Variants in NLRP7 observed in about 807,000 individuals in gnomAD.
The protein encoded by NLRP7 is NLR family pyrin domain containing 7, also known as NACHT, LRR and PYD domains-containing protein 7.
In NLRP7, 72 loss-of-function variants were observed where a neutral mutation model predicts 85.5. That is an observed-to-expected ratio of 0.84 (90% CI 0.70 to 1.02). The LOEUF (loss-of-function observed/expected upper bound fraction) is 1.02. Ranked by LOEUF, NLRP7 falls within the 50% of genes least tolerant of loss-of-function variation. The pLI is 0.00. For synonymous variants in NLRP7, 550 were observed against 505.2 expected, an observed-to-expected ratio of 1.09 and a Z score of -1.19; for missense variants, 1,243 against 1,219.5, an observed-to-expected ratio of 1.02 and a Z score of -0.29.
intron 9 of NLRP7, among the ~76,000 whole-genome samples, chr19:54,925,230 G>A (rs904136201): frequency 2.0e-5 from 3 of 152,086 alleles, no homozygotes; most frequent in African/African-American, 7.2e-5. Flanking sequence ...AGACCACAGG[G>A]GGCTAGAGAT....
In NLRP7 at chr19:54,943,667, C is replaced by T. The variant is rs897596617; in HGVS notation, c.-39-1917G>A. ...AACAGAAAAAGTGACTTGCCAAGCC[C>T]GGGTGCTGATAGAGGTGGACAGCTT... On this transcript the variant is annotated intron_variant, in intron 1 of 9. Transcript: ENST00000340844. Among the ~76,000 whole-genome samples the T allele has an allele frequency of 3.9e-5, 6 of 152,104 alleles. No homozygotes were observed. In the South Asian group the frequency reaches 8.3e-4, roughly 21 times the overall value.
chr19:54,940,985 T>C lies in NLRP7; in HGVS notation c.298A>G (p.Ile100Val), dbSNP rs150677758. 2.1e-4 allele frequency: 336 copies of C among 1,612,292 alleles called. 3 individuals carry two copies. In the African/African-American group the frequency reaches 2.5e-3, roughly 12 times the overall value. The change falls in exon 3 of 10, where the codon ATA becomes GTA. Residue 100 changes from isoleucine to valine, a missense_variant. Around this residue, in one of 3 missense-constraint regions of NLRP7, gnomAD observed 591 missense variants for 563.3 expected, o/e 1.05. Coordinates refer to ENST00000340844, the Ensembl canonical transcript of NLRP7. ...GCATCTCCCAGCTCAGGATTATCTA[T>C]TTCTTGCACCTGTCCGTCCTCTGTA...
intron 1 of NLRP7, chr19:54,965,927 TAA>T (rs1423547131): frequency 5.0e-3 from 343 of 69,142 alleles, no homozygotes; most frequent in African/African-American, 0.017. Flanking sequence ...AATAAAATAA[TAA>T]TAATACTGTG....
At chr19:54,939,075 C>T (rs2069077667) in exon 4 of NLRP7, 2 of 1,614,102 alleles carry the variant, frequency 1.2e-6, no homozygotes, top group African/African-American at 1.3e-5. Context: ...TTCGCCAGCT[C>T]CTCCTCCTGA....
rs760013414 is a variant in NLRP7, at chr19:54,934,624, G to A, written c.2336C>T (p.Ala779Val). ...GGCTTTGAGGACATAGAAGAATTCA[G>A]CCCACTGCTCCGGGGTGGCACAGTG... is the stretch of plus-strand genomic sequence containing the variant. The change falls in exon 7 of 10, where the codon GCT becomes GTT. Residue 779 changes from alanine to valine, a missense_variant. Coordinates refer to ENST00000340844, the Ensembl canonical transcript of NLRP7. This position sits in a 1 kb window ranked among gnomAD's most constrained non-coding sequence, Gnocchi z 6.7. 12 of 1,613,914 alleles carry A rather than the reference G, an allele frequency of 7.4e-6. No homozygotes were observed. Among genetic ancestry groups the A allele is most frequent in the East Asian group, 4.5e-5 (2 of 44,878 alleles).
chr19:54,953,836 TAA>T (rs759921881), intron 1 of NLRP7, among the ~76,000 whole-genome samples: 2 of 139,124 alleles, frequency 1.4e-5, no homozygotes, highest in African/African-American at 2.6e-5. Context: ...CCATCTCTAC[TAA>T]AAAAAAAAAA....
chr19:54,929,542 G>A lies in NLRP7; in HGVS notation c.2810+957C>T, dbSNP rs115160494. On this transcript the variant is annotated intron_variant, in intron 9 of 9. Coordinates refer to ENST00000340844, the Ensembl canonical transcript of NLRP7. ...TGGGGAGAGAAGTGATGAAGAGCTC[G>A]CCATTCCATTTGTGGAGACTTTGCA... 8.3e-3 allele frequency among the ~76,000 whole-genome samples: 1,265 copies of A among 152,184 alleles called. 21 individuals are homozygous for A. The highest frequency in any genetic ancestry group is 0.028 in the African/African-American group (1,163 of 41,540).
rs774372805 is a variant in NLRP7, at chr19:54,934,362, G to C, written c.2471+127C>G. 2.1e-6 allele frequency: 2 copies of C among 933,582 alleles called. No homozygotes were observed. The highest frequency in any genetic ancestry group is 3.6e-6 in the Non-Finnish European group (2 of 561,796). The allele number at this position is 933,582 out of a possible 1,614,324, so 57.8% of individuals were successfully genotyped here. ...GATTACAGGCAGGAGCCACCGTGCCGGGCCTGAAGCAGGTGTTTATTTCAG... is the reference window on the plus strand; with the variant it reads ...GATTACAGGCAGGAGCCACCGTGCCCGGCCTGAAGCAGGTGTTTATTTCAG... On this transcript the variant is annotated intron_variant, in intron 7 of 9. Coordinates refer to ENST00000340844, the Ensembl canonical transcript of NLRP7. This position sits in a 1 kb window ranked among gnomAD's most constrained non-coding sequence, Gnocchi z 6.7.
intron 1 of NLRP7, among the ~76,000 whole-genome samples, chr19:54,943,279 G>C (rs1012042935): frequency 9.9e-5 from 15 of 151,824 alleles, no homozygotes; most frequent in Non-Finnish European, 1.9e-4. Flanking sequence ...CGCCAGCCTG[G>C]GTGACAGAGT....
At chr19:54,932,523 A>G (rs1165775797) in intron 8 of NLRP7, among the ~76,000 whole-genome samples, 2 of 152,112 alleles carry the variant, frequency 1.3e-5, no homozygotes, top group South Asian at 2.1e-4. Flanking sequence ...TATTTTTCTA[A>G]CCATAATTTT....
At chr19:54,962,585 C>CT (rs1175124723) in intron 1 of NLRP7, among the ~76,000 whole-genome samples, 1 of 144,070 alleles carries the variant, frequency 6.9e-6, no homozygotes, top group East Asian at 2.2e-4. Context: ...ATTTTCTTTT[C>CT]TTTCTTTCTT....
chr19:54,923,770 C>T (rs1180216012), exon 10 of NLRP7: 1 of 1,613,748 alleles, frequency 6.2e-7, no homozygotes, highest in East Asian at 2.2e-5. Flanking sequence ...ACGGAGGTGC[C>T]GTTGCCCCGG....
At chr19:54,949,296 C>CCAGG (rs1346568374), upstream of NLRP7, among the ~76,000 whole-genome samples, 1 of 150,892 alleles carries the variant, frequency 6.6e-6, no homozygotes, top group African/African-American at 2.4e-5. Context: ...AAAAAGATGG[C>CCAGG]CAGGCGCAGT....
intron 1 of NLRP7, among the ~76,000 whole-genome samples, chr19:54,946,739 A>C (rs2069495017): frequency 6.6e-6 from 1 of 151,970 alleles, no homozygotes; most frequent in Non-Finnish European, 1.5e-5. Context: ...TCCTAGGTTT[A>C]AGCTATTCTC....
chr19:54,952,762 C>A (rs1330268418), intron 1 of NLRP7, among the ~76,000 whole-genome samples: 1 of 152,072 alleles, frequency 6.6e-6, no homozygotes, highest in Non-Finnish European at 1.5e-5. Flanking sequence ...CTGTCAGAGG[C>A]GTGTAACCAG....
At chr19:54,933,606 C>T (rs1569539705) in exon 8 of NLRP7, 4 of 1,614,166 alleles carry the variant, frequency 2.5e-6, no homozygotes, top group Non-Finnish European at 3.4e-6. Flanking sequence ...TAACTCAAGC[C>T]CTCACACAGA....
At chr19:54,938,960 A>T (rs550216106) in exon 4 of NLRP7, 1 of 1,613,592 alleles carries the variant, frequency 6.2e-7, no homozygotes, top group South Asian at 1.1e-5. Flanking sequence ...CTGCAGTGAG[A>T]GTTTCTGCAA....
chr19:54,939,214 C>T lies in NLRP7; in HGVS notation c.1605G>A (p.Glu535=), dbSNP rs192107267. 65 of 1,614,232 alleles carry T rather than the reference C, an allele frequency of 4.0e-5. No individual in the cohort carries two copies. The Middle Eastern group carries it at 4.9e-4, about 12-fold the overall frequency. ...GTGACATCCGGCAGCCAAAAGTGGC[C>T]TCCAACTCCTTGGCTCTCTTCTCGT... Residue 535 remains glutamate (E), a synonymous_variant, in exon 4 of 10, where the codon GAG becomes GAA. Transcript: ENST00000340844.
At chr19:54,941,523 TGAG>T in exon 2 of NLRP7, 3 of 1,614,076 alleles carry the variant, frequency 1.9e-6, no homozygotes, top group Non-Finnish European at 2.5e-6. Flanking sequence ...TCCAATTTTC[TGAG>T]GAGGTGTTGA....
Sources: gnomAD v4.1 joint callset for allele counts (sites outside exome capture counted in the v4.1 genomes callset) on GRCh38, gnomAD v4.1.1 for gene constraint, gnomAD v4.1.1 regional missense constraint, Gnocchi (gnomAD v3.1) non-coding constraint, MANE v1.5 for transcripts, NCBI Gene and HGNC (gene_info 2026-07-23, HGNC 2026-07-21) for gene names.